The following SH3BP5 variants were observed in gnomAD, a reference collection of about 807,000 sequenced individuals.
SH3BP5 encodes the protein SH3 domain-binding protein 5.
In SH3BP5, 22 loss-of-function variants were observed where a neutral mutation model predicts 43.3. The observed-to-expected ratio is 0.51, with a 90% CI of 0.36 to 0.73. The LOEUF is 0.73. SH3BP5 is among the 30% of genes least tolerant of loss of function. The pLI is 0.00. For synonymous variants in SH3BP5, 255 were observed against 225.8 expected, an observed-to-expected ratio of 1.13 and a Z score of -1.16; for missense variants, 529 against 586.9, an observed-to-expected ratio of 0.90 and a Z score of 1.02.
chr3:15,332,587 G>A (rs796981011), upstream of SH3BP5: 85 of 1,206,194 alleles, frequency 7.0e-5, 1 homozygote, highest in African/African-American at 6.8e-4. Flanking sequence ...CGGAGCAGAG[G>A]AAATGGGCGC....
At chr3:15,305,816 G>C (rs1301647065) in intron 2 of SH3BP5, among the ~76,000 whole-genome samples, 1 of 152,110 alleles carries the variant, frequency 6.6e-6, no homozygotes, top group Non-Finnish European at 1.5e-5. Context: ...GACCTTGATA[G>C]GAGTTAGGAA....
At chr3:15,266,020 C>T (rs1696633751) in intron 4 of SH3BP5, among the ~76,000 whole-genome samples, 1 of 152,194 alleles carries the variant, frequency 6.6e-6, no homozygotes, top group South Asian at 2.1e-4. Context: ...AGGCACAGCT[C>T]CTCAGCCTCC....
At chr3:15,337,038 G>A (rs1340826173), upstream of SH3BP5, among the ~76,000 whole-genome samples, 5 of 150,440 alleles carry the variant, frequency 3.3e-5, no homozygotes, top group Admixed American at 6.6e-5. Flanking sequence ...AATTATAGGC[G>A]TGAGCCACCA....
At chr3:15,282,920 A>G (rs760844046) in intron 3 of SH3BP5, among the ~76,000 whole-genome samples, 5 of 152,166 alleles carry the variant, frequency 3.3e-5, no homozygotes, top group Non-Finnish European at 7.3e-5. Context: ...CAGAAATTCC[A>G]TAATAAAAAG....
At chr3:15,301,419 T>C (rs1247445212) in intron 3 of SH3BP5, among the ~76,000 whole-genome samples, 1 of 152,160 alleles carries the variant, frequency 6.6e-6, no homozygotes, top group Non-Finnish European at 1.5e-5. Flanking sequence ...TATGCTGGCA[T>C]TGCAGATCCA....
At chr3:15,256,789 G>C in intron 8 of SH3BP5, 64 bp downstream of exon 8, 1 of 1,534,380 alleles carries the variant, frequency 6.5e-7, no homozygotes, top group Non-Finnish European at 8.8e-7. Flanking sequence ...GTATGGAATG[G>C]CACAACAGTC....
At chr3:15,324,519 G>T (rs1470698084) in intron 2 of SH3BP5, among the ~76,000 whole-genome samples, 1 of 152,216 alleles carries the variant, frequency 6.6e-6, no homozygotes, top group Non-Finnish European at 1.5e-5. Flanking sequence ...GGCTCTGCCA[G>T]CTTAGACCGG....
At chr3:15,274,828 G>T (rs1054989710) in intron 3 of SH3BP5, among the ~76,000 whole-genome samples, 7 of 152,310 alleles carry the variant, frequency 4.6e-5, no homozygotes, top group African/African-American at 1.7e-4. Context: ...TTACAGGGTT[G>T]CAGGTGTGAG....
At chr3:15,320,860 G>A (rs1698309065) in intron 2 of SH3BP5, among the ~76,000 whole-genome samples, 1 of 152,082 alleles carries the variant, frequency 6.6e-6, no homozygotes, top group Non-Finnish European at 1.5e-5. Context: ...ATACAGCTGG[G>A]GATACAGTCA....
chr3:15,256,793 AAC>A (rs1696220356), intron 8 of SH3BP5, 58 bp downstream of exon 8: 5 of 1,544,924 alleles, frequency 3.2e-6, no homozygotes, highest in Admixed American at 3.7e-5. Flanking sequence ...GGAATGGCAC[AAC>A]AGTCAGGCTA....
intron 4 of SH3BP5, among the ~76,000 whole-genome samples, chr3:15,265,512 T>TCTCACACACACACACACACACACACACA (rs1318765546): frequency 1.9e-4 from 20 of 107,990 alleles, no homozygotes; most frequent in African/African-American, 6.6e-4. Context: ...CGAGACTCCG[T>TCTCACACACACACACACACACACACACA]CACACACACA....
intron 3 of SH3BP5, chr3:15,273,101 G>T: frequency 1.0e-6 from 1 of 983,558 alleles, no homozygotes. Context: ...CCTACCCATA[G>T]GTGGCCTCTC....
At chr3:15,332,689 C>T (rs1165026545), upstream of SH3BP5, 4 of 1,126,212 alleles carry the variant, frequency 3.6e-6, no homozygotes, top group Middle Eastern at 7.5e-4. Context: ...TCCCAGCTAT[C>T]CAGGTCTCCG....
chr3:15,272,559 A>AGATTCGATGATACC, intron 3 of SH3BP5, among the ~76,000 whole-genome samples: 1 of 100,922 alleles, frequency 9.9e-6, no homozygotes, highest in Admixed American at 9.0e-5. Flanking sequence ...TGCCTGTAGG[A>AGATTCGATGATACC]TAAAGACATT....
chr3:15,304,028 T>A lies in SH3BP5; in HGVS notation c.330+75A>T, dbSNP rs1185891453. ...CGAGCTTCTAACCTTCAGCAGGTGA[T>A]ACAGTCAAAGGCACCCTTAAAACTG... is the stretch of plus-strand genomic sequence containing the variant. On this transcript the variant is annotated intron_variant, in intron 3 of 8. Transcript: ENST00000383791. 6 of 1,257,496 alleles carry A rather than the reference T, an allele frequency of 4.8e-6. No individual in the cohort carries two copies. In the East Asian group the frequency reaches 1.4e-4, roughly 29 times the overall value. 77.9% of individuals were successfully genotyped at this position (1,257,496 alleles called of 1,614,324 possible).
At chr3:15,333,538 C>CTCG (rs2124837350), upstream of SH3BP5, among the ~76,000 whole-genome samples, 1 of 152,300 alleles carries the variant, frequency 6.6e-6, no homozygotes, top group South Asian at 2.1e-4. Flanking sequence ...AACGTGGTGG[C>CTCG]TCGTATCTGT....
At chr3:15,296,649 T>C (rs1697580848) in intron 3 of SH3BP5, among the ~76,000 whole-genome samples, 1 of 151,482 alleles carries the variant, frequency 6.6e-6, no homozygotes, top group African/African-American at 2.4e-5. Flanking sequence ...TATCCTACCT[T>C]TGCAGAACAT....
intron 2 of SH3BP5, among the ~76,000 whole-genome samples, chr3:15,314,158 A>T (rs1698128905): frequency 6.6e-6 from 1 of 151,516 alleles, no homozygotes; most frequent in East Asian, 2.0e-4. Context: ...TTTGGGATGG[A>T]GTCTCACTCT....
rs185515468 is a variant in SH3BP5, at chr3:15,262,513, C to T, written c.496-224G>A. Among the ~76,000 whole-genome samples the T allele has an allele frequency of 2.6e-3, 400 of 152,126 alleles. 4 individuals are homozygous for T. The highest frequency in any genetic ancestry group is 9.2e-3 in the African/African-American group (380 of 41,516). ...CACTGCTAAAAATACAAAAATCAGC[C>T]GGGCCTGGTGGTGTGCTCCTGTAGT... On this transcript the variant is annotated intron_variant, in intron 4 of 8. Coordinates refer to ENST00000383791, the MANE Select transcript of SH3BP5 (RefSeq NM_004844.5).
Sources: allele counts gnomAD v4.1 joint callset (sites outside exome capture counted in the v4.1 genomes callset), GRCh38; gene constraint gnomAD v4.1.1; transcripts MANE v1.5; gene names NCBI Gene and HGNC (gene_info 2026-07-23, HGNC 2026-07-21).